KIF6: variants seen among roughly 807,000 people sequenced by gnomAD.
The protein encoded by KIF6 is kinesin-like protein KIF6.
KIF6 carries 106 observed loss-of-function variants against 112.7 expected under a neutral mutation model. The ratio of observed to expected loss-of-function variants is 0.94; its 90% CI spans 0.80 to 1.11. The LOEUF (loss-of-function observed/expected upper bound fraction) is 1.11, where lower values mean the gene tolerates loss of function less well. KIF6 is among the 50% of genes least tolerant of loss of function. KIF6 has a pLI of 0.00. For synonymous variants in KIF6, 339 were observed against 339.9 expected (o/e 1.00, Z 0.03); for missense variants, 929 against 964.0 (o/e 0.96, Z 0.48).
chr6:39,422,148 TG>T (rs1770419391), intron 14 of KIF6, among the ~76,000 whole-genome samples: 1 of 152,130 alleles, frequency 6.6e-6, no homozygotes, highest in Non-Finnish European at 1.5e-5. Flanking sequence ...AAATTCACAC[TG>T]AAATTCACAT....
intron 10 of KIF6, among the ~76,000 whole-genome samples, chr6:39,568,156 G>A (rs1174273231): frequency 6.6e-6 from 1 of 152,166 alleles, no homozygotes; most frequent in Admixed American, 6.5e-5. Context: ...AGCAAAGCAG[G>A]GAGAGATTGA....
chr6:39,597,542 G>T, intron 6 of KIF6, among the ~76,000 whole-genome samples: 1 of 151,994 alleles, frequency 6.6e-6, no homozygotes, highest in East Asian at 1.9e-4. Context: ...TTTAGTAAAA[G>T]GTGCTGGAAT....
intron 13 of KIF6, among the ~76,000 whole-genome samples, chr6:39,452,140 C>T (rs1341060293): frequency 6.6e-6 from 1 of 152,128 alleles, no homozygotes; most frequent in African/African-American, 2.4e-5. Flanking sequence ...TGTCTTTAAT[C>T]CAGAAGCAGA....
chr6:39,403,920 T>G (rs965263359), intron 15 of KIF6, among the ~76,000 whole-genome samples: 2 of 152,244 alleles, frequency 1.3e-5, no homozygotes, highest in African/African-American at 4.8e-5. Context: ...CATTTTTGCA[T>G]GCGTTCATTT....
rs139676195 is a variant in KIF6 at position 39,679,213 on chromosome 6, GA to G, written c.251+35478del. ...GGTACTAACTGTACCTACTTGTGTG[GA>G]AAACAGTGCTGTGTGTACTGATACA... On this transcript the variant is annotated intron_variant, in intron 3 of 22. Transcript: ENST00000287152. Among the ~76,000 whole-genome samples the G allele has an allele frequency of 2.7e-3, 417 of 152,320 alleles. 2 individuals carry two copies. The highest frequency in any genetic ancestry group is 4.4e-3 in the Non-Finnish European group (301 of 68,026).
At chr6:39,694,008 T>C (rs1788378437) in intron 3 of KIF6, among the ~76,000 whole-genome samples, 1 of 151,928 alleles carries the variant, frequency 6.6e-6, no homozygotes, top group Non-Finnish European at 1.5e-5. Context: ...GCAAAGATGA[T>C]TCAACATACA....
Position 39,611,445 on chromosome 6 carries a change from C to T in KIF6, c.639+1744G>A, listed in dbSNP as rs371213123. On this transcript the variant is annotated intron_variant, in intron 6 of 22. Transcript: ENST00000287152. ...TGAAACCATGTAGTTAAAGTTCATGCATAACTTTGAAAGAGCAAATGGCCA... is the reference window on the plus strand; with the variant it reads ...TGAAACCATGTAGTTAAAGTTCATGTATAACTTTGAAAGAGCAAATGGCCA... Among the ~76,000 whole-genome samples, 10 of 152,274 alleles carry T rather than the reference C, an allele frequency of 6.6e-5. No individual in the cohort carries two copies. In the East Asian group the frequency reaches 1.5e-3, roughly 23 times the overall value.
At chr6:39,502,213 C>G (rs886933147) in intron 13 of KIF6, among the ~76,000 whole-genome samples, 9 of 152,028 alleles carry the variant, frequency 5.9e-5, no homozygotes, top group Non-Finnish European at 1.3e-4. Context: ...AATTTCCAAA[C>G]CAGAATTTCA....
At chr6:39,515,327 G>A (rs928735422) in intron 13 of KIF6, among the ~76,000 whole-genome samples, 2 of 152,348 alleles carry the variant, frequency 1.3e-5, no homozygotes, top group African/African-American at 2.4e-5. Context: ...ATATCGGAAA[G>A]CGAGAAATAG....
At chr6:39,393,389 TG>T (rs1768029518) in intron 15 of KIF6, among the ~76,000 whole-genome samples, 1 of 151,988 alleles carries the variant, frequency 6.6e-6, no homozygotes, top group Admixed American at 6.6e-5. Flanking sequence ...ATCTGAAAAA[TG>T]GGGATAATAA....
At chr6:39,498,357 CAG>C (rs1775907848) in intron 13 of KIF6, among the ~76,000 whole-genome samples, 1 of 152,130 alleles carries the variant, frequency 6.6e-6, no homozygotes, top group Admixed American at 6.5e-5. Flanking sequence ...CCCTAGGTGA[CAG>C]AGAGTTGCGG....
chr6:39,360,475 G>A lies in KIF6; in HGVS notation c.2002C>T (p.Gln668Ter), dbSNP rs1295598265. The A allele has an allele frequency of 1.9e-6, 3 of 1,613,890 alleles. No homozygotes were observed. Among genetic ancestry groups the A allele is most frequent in the Non-Finnish European group, 2.5e-6 (3 of 1,179,962 alleles). The change falls in exon 18 of 23, where the codon CAG becomes TAG. Residue 668 changes from glutamine to a stop codon, truncating the protein, a stop_gained. Transcript: ENST00000287152. LOFTEE classifies it high-confidence loss of function. ...ACCTTGGCTTTGTCCATGAGCAGCT[G>A]CAAGTGCTCGATCTCCACCTTCAGG... ...KALKVEIEHL[Q>*]LLMDKAKVKL... is the part of the protein sequence containing the mutation.
chr6:39,363,409 G>A lies in KIF6; in HGVS notation c.1862-891C>T, dbSNP rs577612477. Among the ~76,000 whole-genome samples the A allele has an allele frequency of 2.6e-5, 4 of 152,306 alleles. No homozygotes were observed. In the East Asian group the frequency reaches 7.7e-4, roughly 29 times the overall value. ...ATCATGAGGCCCAGGGGAGGGCTGAGCACGTCAGCAGGGATCAGCTGCTGC... is the reference window on the plus strand; with the variant it reads ...ATCATGAGGCCCAGGGGAGGGCTGAACACGTCAGCAGGGATCAGCTGCTGC... On this transcript the variant is annotated intron_variant, in intron 16 of 22. Coordinates refer to ENST00000287152, the MANE Select transcript of KIF6 (RefSeq NM_145027.6).
At chr6:39,588,349 G>T (rs1781748755) in intron 7 of KIF6, among the ~76,000 whole-genome samples, 1 of 152,116 alleles carries the variant, frequency 6.6e-6, no homozygotes, top group South Asian at 2.1e-4. Context: ...GAGTAGCTGG[G>T]ATTACAGGCG....
chr6:39,704,904 G>T (rs1376100243), intron 3 of KIF6, among the ~76,000 whole-genome samples: 2 of 152,158 alleles, frequency 1.3e-5, no homozygotes, highest in African/African-American at 4.8e-5. Flanking sequence ...ATCAAGAGTG[G>T]GTCCCTTCTG....
intron 15 of KIF6, among the ~76,000 whole-genome samples, chr6:39,404,040 ATATT>A (rs1768905312): frequency 6.6e-6 from 1 of 152,014 alleles, no homozygotes; most frequent in Admixed American, 6.6e-5. Flanking sequence ...TTGAGAGTTA[ATATT>A]TATGTATTTT....
chr6:39,610,681 C>T (rs1236855343), intron 6 of KIF6, among the ~76,000 whole-genome samples: 1 of 152,056 alleles, frequency 6.6e-6, no homozygotes, highest in African/African-American at 2.4e-5. Context: ...GCTTTCATTG[C>T]TTTCAAGGTA....
intron 10 of KIF6, among the ~76,000 whole-genome samples, chr6:39,563,144 G>T (rs1035613578): frequency 6.6e-6 from 1 of 152,154 alleles, no homozygotes; most frequent in East Asian, 1.9e-4. Context: ...GGAAGGCTGA[G>T]GCAGAAGAAT....
At chr6:39,722,307 T>G (rs1790264512) in intron 1 of KIF6, among the ~76,000 whole-genome samples, 1 of 152,222 alleles carries the variant, frequency 6.6e-6, no homozygotes, top group African/African-American at 2.4e-5. Flanking sequence ...TCCACTACTC[T>G]GATTAAGACA....
Sources: gnomAD v4.1 joint callset for allele counts (sites outside exome capture counted in the v4.1 genomes callset) on GRCh38, gnomAD v4.1.1 for gene constraint, MANE v1.5 for transcripts, NCBI Gene and HGNC (gene_info 2026-07-23, HGNC 2026-07-21) for gene names.